STAT4: variants seen among roughly 807,000 people sequenced by gnomAD.
STAT4 encodes the protein signal transducer and activator of transcription 4.
In STAT4, 42 loss-of-function variants were observed where a neutral mutation model predicts 110.5. That is an observed-to-expected ratio of 0.38 (90% CI 0.30 to 0.49). The LOEUF (loss-of-function observed/expected upper bound fraction) is 0.49. Among genes scored for constraint, STAT4 ranks in the 20% least tolerant of loss-of-function variants. The probability of loss-of-function intolerance (pLI) is 0.95; values close to 1 mark genes in which losing one functional copy is unlikely to be tolerated. For synonymous variants in STAT4, 284 were observed against 302.2 expected, an observed-to-expected ratio of 0.94 and a Z score of 0.63; for missense variants, 632 against 887.9, an observed-to-expected ratio of 0.71 and a Z score of 3.66.
In STAT4 at chr2:191,060,725, G is replaced by C. The variant is rs542513313; in HGVS notation, c.1034+1004C>G. ...TGAGCCACCATGCCTGGCCAACAGTGCAATTTAAAAAGGAACCTGGCCTCT... is the reference window on the plus strand; with the variant it reads ...TGAGCCACCATGCCTGGCCAACAGTCCAATTTAAAAAGGAACCTGGCCTCT... On this transcript the variant is annotated intron_variant, in intron 10 of 23. Transcript: ENST00000392320. This position sits in a 1 kb window ranked among gnomAD's most constrained non-coding sequence, Gnocchi z 4.5. Among the ~76,000 whole-genome samples, 14 of 152,296 alleles carry C rather than the reference G, an allele frequency of 9.2e-5. No homozygotes were observed. In the South Asian group the frequency reaches 2.9e-3, roughly 32 times the overall value.
chr2:191,143,792 A>AT lies in STAT4; in HGVS notation c.273+2820dup, dbSNP rs59457639. ...AGCGTCAACAGCCTTTTGATAGGGA[A>AT]TTTTTTTTTTCTTTTTTGTGGGGAA... On this transcript the variant is annotated intron_variant, in intron 3 of 23. Coordinates refer to ENST00000392320, the MANE Select transcript of STAT4 (RefSeq NM_003151.4). This position sits in a 1 kb window ranked among gnomAD's most constrained non-coding sequence, Gnocchi z 5.6. Among the ~76,000 whole-genome samples, 46,167 of 150,630 alleles carry AT rather than the reference A, an allele frequency of 0.31. 8,388 individuals are homozygous for AT. Among genetic ancestry groups the AT allele is most frequent in the African/African-American group, 0.51 (21,050 of 41,064 alleles).
intron 3 of STAT4, among the ~76,000 whole-genome samples, chr2:191,108,018 C>A (rs1041842820): frequency 6.6e-6 from 1 of 151,904 alleles, no homozygotes; most frequent in Admixed American, 6.6e-5. Context: ...TGGCCGGGTG[C>A]GGGGGCTCAC....
At chr2:191,130,458 G>A (rs1056245277) in intron 3 of STAT4, among the ~76,000 whole-genome samples, 1 of 151,494 alleles carries the variant, frequency 6.6e-6, no homozygotes, top group Non-Finnish European at 1.5e-5. Context: ...TCCTGACCTC[G>A]TGATCCGCCC....
At chr2:191,074,261 G>A (rs1166932546) in intron 4 of STAT4, among the ~76,000 whole-genome samples, 2 of 152,282 alleles carry the variant, frequency 1.3e-5, no homozygotes, top group Admixed American at 1.3e-4. Context: ...GTTGGGTGGG[G>A]AGCCATGGTT....
At chr2:191,111,818 T>C (rs1265049803) in intron 3 of STAT4, among the ~76,000 whole-genome samples, 1 of 152,122 alleles carries the variant, frequency 6.6e-6, no homozygotes, top group Non-Finnish European at 1.5e-5. Flanking sequence ...TCTGATTGCA[T>C]TACTGCATTC....
At chr2:191,102,187 G>A (rs754463073) in intron 3 of STAT4, among the ~76,000 whole-genome samples, 3 of 151,912 alleles carry the variant, frequency 2.0e-5, no homozygotes, top group Non-Finnish European at 2.9e-5. Context: ...ACTCCCACAT[G>A]CTTACCGTTC....
Position 191,036,246 on chromosome 2 carries a change from C to G in STAT4, c.1488G>C (p.Glu496Asp). ...PPPATLSQLL[E>D]VMSWQFSSYV... Reference sequence around the variant, plus strand: ...ACGATGAAAACTGCCAGCTCATCACCTCCAGTAGTTGACTCAATGTGGCAG... The same window carrying G: ...ACGATGAAAACTGCCAGCTCATCACGTCCAGTAGTTGACTCAATGTGGCAG... Residue 496 changes from glutamate to aspartate, a missense_variant, in exon 17 of 24, where the codon GAG (glutamate) becomes GAC (aspartate). Around this residue, in one of 4 missense-constraint regions of STAT4, gnomAD observed 488 missense variants for 632.8 expected, o/e 0.77. Transcript: ENST00000392320. 1 of 1,614,160 alleles carries G rather than the reference C, an allele frequency of 6.2e-7. No homozygotes were observed. Among genetic ancestry groups the G allele is most frequent in the South Asian group, 1.1e-5 (1 of 91,080 alleles).
Position 191,069,725 on chromosome 2 carries a change from A to T in STAT4, c.512T>A (p.Phe171Tyr), listed in dbSNP as rs1465000498. The T allele has an allele frequency of 6.2e-7, 1 of 1,609,812 alleles. No homozygotes were observed. The highest frequency in any genetic ancestry group is 1.3e-5 in the African/African-American group (1 of 74,652). The change falls in exon 6 of 24, where the codon TTT becomes TAT. Residue 171 changes from phenylalanine to tyrosine, a missense_variant. Phe to Tyr is a conservative substitution (Grantham distance 22, BLOSUM62 3). Coordinates refer to ENST00000392320, the MANE Select transcript of STAT4 (RefSeq NM_003151.4). ...TKYLEDLQDE[F>Y]DYRYKTIQTM... ...CTGAATTGTTTTATACCTGTAGTCA[A>T]ATTCGTCTTGCAGATCTTCTAAGTA...
In STAT4 at chr2:191,140,949, A is replaced by G. The variant is rs538915665; in HGVS notation, c.273+5664T>C. On this transcript the variant is annotated intron_variant, in intron 3 of 23. Coordinates refer to ENST00000392320, the MANE Select transcript of STAT4 (RefSeq NM_003151.4). The surrounding 1 kb of genome is among the most constrained non-coding windows in gnomAD (Gnocchi z 4.4). ...AATGTCTTTTGCAGCAACCTGGATA[A>G]AACTGGAGGGCATTATTCTAAGTGA... Among the ~76,000 whole-genome samples, 1 of 152,200 alleles carries G rather than the reference A, an allele frequency of 6.6e-6. No individual in the cohort carries two copies. Among genetic ancestry groups the G allele is most frequent in the Non-Finnish European group, 1.5e-5 (1 of 68,030 alleles).
chr2:191,096,966 T>C (rs1698005226), intron 3 of STAT4, among the ~76,000 whole-genome samples: 1 of 152,272 alleles, frequency 6.6e-6, no homozygotes, highest in African/African-American at 2.4e-5. Flanking sequence ...AGCATTCTTA[T>C]ACACCAATAA....
At chr2:191,071,518 A>G (rs1331069270) in intron 5 of STAT4, among the ~76,000 whole-genome samples, 1 of 152,234 alleles carries the variant, frequency 6.6e-6, no homozygotes, top group Non-Finnish European at 1.5e-5. Context: ...GAATCTTCTA[A>G]TGAAAAGTGT....
chr2:191,136,356 T>C (rs1193517253), intron 3 of STAT4, among the ~76,000 whole-genome samples: 2 of 152,192 alleles, frequency 1.3e-5, no homozygotes, highest in Admixed American at 1.3e-4. Context: ...GGATGAACAT[T>C]TTTCAACTAC....
Position 191,099,708 on chromosome 2 carries a change from T to C in STAT4, c.274-23383A>G, listed in dbSNP as rs1698105439. On this transcript the variant is annotated intron_variant, in intron 3 of 23. Transcript: ENST00000392320. This position sits in a 1 kb window ranked among gnomAD's most constrained non-coding sequence, Gnocchi z 4.1. ...TTTTATTTAATTAGGTAAACATAGA[T>C]ACACATATGGAAAGGTTCACACTTG... is the stretch of plus-strand genomic sequence containing the variant. 6.6e-6 allele frequency among the ~76,000 whole-genome samples: 1 copy of C among 152,144 alleles called. No homozygotes were observed. Among genetic ancestry groups the C allele is most frequent in the African/African-American group, 2.4e-5 (1 of 41,454 alleles).
Position 191,146,392 on chromosome 2 carries a change from TTGTAA to T in STAT4, c.273+216_273+220del, listed in dbSNP as rs1349475264. ...CATGCAAGTCCCACATGCAACACAC[TTGTAA>T]TGTATTTTATACACTATACTTTTAG... On this transcript the variant is annotated intron_variant, in intron 3 of 23. Coordinates refer to ENST00000392320, the MANE Select transcript of STAT4 (RefSeq NM_003151.4). This position sits in a 1 kb window ranked among gnomAD's most constrained non-coding sequence, Gnocchi z 4.5. 3.3e-5 allele frequency among the ~76,000 whole-genome samples: 5 copies of T among 152,160 alleles called. No individual in the cohort carries two copies. Among genetic ancestry groups the T allele is most frequent in the African/African-American group, 4.8e-5 (2 of 41,448 alleles).
chr2:191,084,006 G>C (rs1466388540), intron 3 of STAT4, among the ~76,000 whole-genome samples: 2 of 152,174 alleles, frequency 1.3e-5, no homozygotes, highest in African/African-American at 4.8e-5. Context: ...GCTCACGCCT[G>C]TAATTCCAGC....
In STAT4 at chr2:191,031,248, CA is replaced by C. The variant is rs1230068750; in HGVS notation, c.2112-169del. 6.8e-6 allele frequency: 6 copies of C among 876,586 alleles called. No homozygotes were observed. The East Asian group carries it at 1.6e-4, about 23-fold the overall frequency. 54.3% of individuals were successfully genotyped at this position (876,586 alleles called of 1,614,324 possible). On this transcript the variant is annotated intron_variant, in intron 22 of 23. Transcript: ENST00000392320. The surrounding 1 kb of genome is among the most constrained non-coding windows in gnomAD (Gnocchi z 4.8). ...ACTCAACTTACTGTGGCATATATGG[CA>C]TATAAAAGGGGAATTTTATAATTTT...
chr2:191,055,207 C>CT (rs1271637057), intron 13 of STAT4, among the ~76,000 whole-genome samples: 5 of 149,020 alleles, frequency 3.4e-5, no homozygotes, highest in African/African-American at 7.4e-5. Context: ...TCTTTTTTTT[C>CT]TTTTTTTTTG....
chr2:191,033,156 A>C lies in STAT4; in HGVS notation c.1853-7T>G, dbSNP rs1476697834. ...GAGTGGAATCTCACTTCCCCTTGAA[A>C]AACAGAAATTGGAGAAATATACAGG... On this transcript the variant is annotated splice_polypyrimidine_tract_variant and splice_region_variant and intron_variant, in intron 20 of 23. Transcript: ENST00000392320. This position sits in a 1 kb window ranked among gnomAD's most constrained non-coding sequence, Gnocchi z 6.9. The C allele has an allele frequency of 2.5e-6, 4 of 1,611,526 alleles. No homozygotes were observed. In the East Asian group the frequency reaches 6.7e-5, roughly 27 times the overall value.
chr2:191,115,909 T>A (rs1698556997), intron 3 of STAT4, among the ~76,000 whole-genome samples: 2 of 152,188 alleles, frequency 1.3e-5, no homozygotes, highest in South Asian at 4.1e-4. Context: ...AAATACTAGG[T>A]CCTCTTTCTG....
Sources: gnomAD v4.1 joint callset for allele counts (sites outside exome capture counted in the v4.1 genomes callset) on GRCh38, gnomAD v4.1.1 for gene constraint, gnomAD v4.1.1 regional missense constraint, Gnocchi (gnomAD v3.1) non-coding constraint, MANE v1.5 for transcripts, NCBI Gene and HGNC (gene_info 2026-07-23, HGNC 2026-07-21) for gene names.